The following ABCA5 variants were observed in gnomAD, a reference collection of about 807,000 sequenced individuals.
The protein encoded by ABCA5 is cholesterol transporter ABCA5.
Under a neutral mutation model 206.0 loss-of-function variants are expected in ABCA5, and 163 were observed. That is an observed-to-expected ratio of 0.79 (90% CI 0.70 to 0.90). ABCA5 has a LOEUF of 0.90. Among genes scored for constraint, ABCA5 ranks in the 40% least tolerant of loss-of-function variants. The pLI is 0.00. For synonymous variants in ABCA5, 609 were observed against 613.8 expected (o/e 0.99, Z 0.11); for missense variants, 1,859 against 1,912.9 (o/e 0.97, Z 0.53).
Position 69,303,833 on chromosome 17 carries a change from T to TAC in ABCA5, c.930+835_930+836insGT, listed in dbSNP as rs1567778318. Among the ~76,000 whole-genome samples the TAC allele has an allele frequency of 5.2e-4, 13 of 24,902 alleles. 1 individual carries two copies. The highest frequency in any genetic ancestry group is 8.7e-4 in the Admixed American group (1 of 1,148). 16.3% of individuals were successfully genotyped at this position (24,902 alleles called of 152,430 possible). A position where few individuals can be genotyped will look rare whatever the true frequency, so the allele number is the denominator to read the frequency against. ...ACATACATATATATATATGTATATA[T>TAC]ATATATACATACATATATATATGTA... On this transcript the variant is annotated intron_variant, in intron 7 of 38. Coordinates refer to ENST00000392676, the MANE Select transcript of ABCA5 (RefSeq NM_172232.4).
At chr17:69,321,507 G>GT in intron 1 of ABCA5, among the ~76,000 whole-genome samples, 1 of 152,110 alleles carries the variant, frequency 6.6e-6, no homozygotes, top group East Asian at 1.9e-4. Context: ...TTATGTGATG[G>GT]TTTTTGGAAG....
Position 69,264,889 on chromosome 17 carries a change from T to A in ABCA5, c.3161A>T (p.Gln1054Leu). ...TGGCAAAAGACCTGAAAGTTTAAGT[T>A]GAGTATAAGCTTTGATCTAAAAAAA... ...AENHKIKAYT[Q>L]LKLSGLLPSA... Residue 1054 changes from glutamine (Q) to leucine (L), a missense_variant, in exon 24 of 39, where the codon CAA (glutamine) becomes CTA (leucine). Physicochemically the swap from Gln to Leu is moderately radical, Grantham distance 113. Coordinates refer to ENST00000392676, the MANE Select transcript of ABCA5 (RefSeq NM_172232.4). The A allele has an allele frequency of 6.5e-7, 1 of 1,549,778 alleles. No individual in the cohort carries two copies. The highest frequency in any genetic ancestry group is 1.4e-5 in the African/African-American group (1 of 72,140).
intron 3 of ABCA5, among the ~76,000 whole-genome samples, chr17:69,311,477 T>C (rs1407510820): frequency 6.6e-6 from 1 of 152,052 alleles, no homozygotes; most frequent in African/African-American, 2.4e-5. Flanking sequence ...TTTGTTTGTT[T>C]GTTCTTTTTT....
At chr17:69,290,176 C>A in intron 12 of ABCA5, 139 bp from the exon 13 acceptor site, 2 of 532,156 alleles carry the variant, frequency 3.8e-6, no homozygotes, top group East Asian at 3.2e-5. Context: ...GCACAACACA[C>A]CCTTCAATAT....
chr17:69,271,714 C>T (rs1175878572), intron 20 of ABCA5, among the ~76,000 whole-genome samples: 3 of 152,208 alleles, frequency 2.0e-5, no homozygotes, highest in Admixed American at 6.5e-5. Flanking sequence ...TAACCTATAA[C>T]ACATGAAATT....
intron 37 of ABCA5, chr17:69,248,577 G>T: frequency 7.8e-6 from 2 of 255,614 alleles, no homozygotes; most frequent in Non-Finnish European, 7.5e-6. Context: ...TCTTTTTCCT[G>T]GTGATTCTTT....
At chr17:69,278,454 C>T (rs957321969) in intron 18 of ABCA5, among the ~76,000 whole-genome samples, 1 of 152,124 alleles carries the variant, frequency 6.6e-6, no homozygotes, top group African/African-American at 2.4e-5. Flanking sequence ...TAAAATTTAG[C>T]CTCAGGCTCA....
At position 69,293,880 on chromosome 17, in the gene ABCA5, G is replaced by T. The variant is rs1452077014; in HGVS notation, c.1495+775C>A. Among the ~76,000 whole-genome samples the T allele has an allele frequency of 1.4e-3, 142 of 100,992 alleles. 1 individual carries two copies. The highest frequency in any genetic ancestry group is 3.1e-3 in the South Asian group (8 of 2,600). 66.3% of individuals were successfully genotyped at this position (100,992 alleles called of 152,430 possible). On this transcript the variant is annotated intron_variant, in intron 11 of 38. Transcript: ENST00000392676. Reference sequence around the variant, plus strand: ...TGTGTGTGTGTGTGTGTGCGTGTGTGTGTGTTTGTGTGTGTGTGTATTCTA... The same window carrying T: ...TGTGTGTGTGTGTGTGTGCGTGTGTTTGTGTTTGTGTGTGTGTGTATTCTA...
At chr17:69,313,588 T>C (rs1024882095) in intron 2 of ABCA5, among the ~76,000 whole-genome samples, 1 of 152,162 alleles carries the variant, frequency 6.6e-6, no homozygotes, top group Non-Finnish European at 1.5e-5. Context: ...TCTTAGATTA[T>C]TGACATAAAA....
At chr17:69,304,564 G>A (rs1330372463) in intron 7 of ABCA5, 105 bp downstream of exon 7, 6 of 1,000,470 alleles carry the variant, frequency 6.0e-6, no homozygotes, top group Non-Finnish European at 6.8e-6. Flanking sequence ...AGTAAAATCT[G>A]TCTTTCATGG....
chr17:69,266,860 A>T lies in ABCA5; in HGVS notation c.3144+1083T>A, dbSNP rs1010404493. 6.1e-4 allele frequency among the ~76,000 whole-genome samples: 91 copies of T among 150,268 alleles called. 1 individual carries two copies. The highest frequency in any genetic ancestry group is 1.3e-3 in the Admixed American group (20 of 15,044). On this transcript the variant is annotated intron_variant, in intron 23 of 38. Coordinates refer to ENST00000392676, the MANE Select transcript of ABCA5 (RefSeq NM_172232.4). ...AATTTTTATTAGAATGTATTTATTT[A>T]TTTTATTTATTTATTTATTTATTTA...
chr17:69,294,546 CA>C, intron 11 of ABCA5, 108 bp downstream of exon 11: 1 of 999,844 alleles, frequency 1.0e-6, no homozygotes, highest in South Asian at 1.5e-5. Flanking sequence ...AAAATAAAAG[CA>C]AGACAGAAAA....
chr17:69,271,017 C>G (rs1598163635), intron 21 of ABCA5, 145 bp downstream of exon 21: 1 of 1,068,668 alleles, frequency 9.4e-7, no homozygotes, highest in East Asian at 2.9e-5. Flanking sequence ...TGAAATATAT[C>G]ATAAATAAAG....
At chr17:69,259,671 T>G in intron 28 of ABCA5, 35 bp downstream of exon 28, 1 of 1,397,762 alleles carries the variant, frequency 7.2e-7, no homozygotes, top group East Asian at 2.3e-5. Context: ...GTAAATATAC[T>G]AAAAACATTT....
At chr17:69,322,430 A>G (rs1451999234) in intron 1 of ABCA5, among the ~76,000 whole-genome samples, 1 of 151,236 alleles carries the variant, frequency 6.6e-6, no homozygotes, top group Non-Finnish European at 1.5e-5. Context: ...CATATTCCAC[A>G]TCACTAAAAG....
At position 69,273,611 on chromosome 17, in the gene ABCA5, A is replaced by G. The variant is rs148334735; in HGVS notation, c.2764+348T>C. ...CCTGAGACTACAGGCGCGTGCCACC[A>G]TGCCTGGCTAATTTTTATATTTTTA... is the stretch of plus-strand genomic sequence containing the variant. On this transcript the variant is annotated intron_variant, in intron 20 of 38. Transcript: ENST00000392676. Among the ~76,000 whole-genome samples the G allele has an allele frequency of 1.5e-3, 231 of 151,916 alleles. 2 individuals are homozygous for G. The highest frequency in any genetic ancestry group is 5.4e-3 in the African/African-American group (224 of 41,446).
rs1166289037 is a variant in ABCA5 at position 69,277,664 on chromosome 17, A to C, written c.2571T>G (p.Arg857=). 1 of 1,610,788 alleles carries C rather than the reference A, an allele frequency of 6.2e-7. No individual in the cohort carries two copies. ...ACACTGATCTCACTGATTTACTTTC[A>C]CGTTTCAAGGTAAAGAAATGAAACT... The part of the protein sequence containing the change: ...IAKFHFFTLK[R]ESKSVRSVLL... Residue 857 remains arginine, a synonymous_variant, in exon 19 of 39, where the codon CGT becomes CGG. Coordinates refer to ENST00000392676, the MANE Select transcript of ABCA5 (RefSeq NM_172232.4).
rs1555584165 is a variant in ABCA5 at position 69,303,851 on chromosome 17, T to TATATAC, written c.930+817_930+818insGTATAT. The stretch of plus-strand genomic sequence containing the variant: ...GTATATATATATATACATACATATA[T>TATATAC]ATATGTATATATATATATACATATA... On this transcript the variant is annotated intron_variant, in intron 7 of 38. Transcript: ENST00000392676. Among the ~76,000 whole-genome samples the TATATAC allele has an allele frequency of 7.7e-3, 289 of 37,530 alleles. 12 individuals are homozygous for TATATAC. The highest frequency in any genetic ancestry group is 0.024 in the African/African-American group (283 of 11,900). The allele number at this position is 37,530 out of a possible 152,430, so 24.6% of individuals were successfully genotyped here.
intron 7 of ABCA5, among the ~76,000 whole-genome samples, chr17:69,303,854 ATGT>A (rs2075686638): frequency 3.1e-5 from 1 of 32,156 alleles, no homozygotes. Flanking sequence ...ACATATATAT[ATGT>A]ATATATATAT....
Sources: allele counts gnomAD v4.1 joint callset (sites outside exome capture counted in the v4.1 genomes callset), GRCh38; gene constraint gnomAD v4.1.1; transcripts MANE v1.5; gene names NCBI Gene and HGNC (gene_info 2026-07-23, HGNC 2026-07-21).